PGA5: variants seen among roughly 807,000 people sequenced by gnomAD.
The protein encoded by PGA5 is pepsin A-5.
In PGA5, 19 loss-of-function variants were observed where a neutral mutation model predicts 15.9. The observed-to-expected ratio is 1.19, with a 90% CI of 0.83 to 1.75. The LOEUF is 1.75. PGA5 is among the 40% of genes most tolerant of loss of function. The pLI, the probability that PGA5 is intolerant of heterozygous loss-of-function variation, is 0.00. For missense variants in PGA5, 224 were observed against 246.4 expected (o/e 0.91, Z 0.61); for synonymous variants, 92 against 95.8 (o/e 0.96, Z 0.23).
chr11:61,248,267 C>G, intron 5 of PGA5, 152 bp from the exon 6 acceptor site: 1 of 1,580,402 alleles, frequency 6.3e-7, no homozygotes, highest in Non-Finnish European at 8.7e-7. Context: ...CTGCATGGGC[C>G]CTGGCCTAAG....
intron 8 of PGA5, chr11:61,250,633 ACT>A (rs1854128284): frequency 2.2e-6 from 1 of 459,890 alleles, no homozygotes; most frequent in African/African-American, 2.0e-5. Context: ...GGGCTCCCCC[ACT>A]GATTCTGATT....
chr11:61,250,364 T>C (rs1240899633), intron 8 of PGA5, among the ~76,000 whole-genome samples: 1 of 151,466 alleles, frequency 6.6e-6, no homozygotes, highest in Non-Finnish European at 1.5e-5. Context: ...AAGGTAGAGA[T>C]GGCAGCTTTC....
At chr11:61,250,059 G>A (rs754859585) in intron 8 of PGA5, 45 bp downstream of exon 8, 19 of 1,594,398 alleles carry the variant, frequency 1.2e-5, no homozygotes, top group African/African-American at 2.7e-5. Context: ...CACACAGAAT[G>A]TGGACACAGA....
chr11:61,247,946 C>T (rs1854087394), intron 5 of PGA5, among the ~76,000 whole-genome samples: 1 of 152,002 alleles, frequency 6.6e-6, no homozygotes. Flanking sequence ...GCATCCCCTA[C>T]CCCCACCCAA....
chr11:61,246,634 G>T (rs936878857), intron 5 of PGA5, among the ~76,000 whole-genome samples: 6 of 151,842 alleles, frequency 4.0e-5, no homozygotes, highest in Non-Finnish European at 8.8e-5. Context: ...ATGATGGCAG[G>T]CAACTGTACT....
chr11:61,246,381 T>C (rs1854065044), intron 5 of PGA5, among the ~76,000 whole-genome samples: 1 of 151,620 alleles, frequency 6.6e-6, no homozygotes, highest in Admixed American at 6.6e-5. Flanking sequence ...GTCCCCTTGA[T>C]GTGCACAACT....
intron 6 of PGA5, 58 bp downstream of exon 6, chr11:61,248,593 T>C (rs1272878607): frequency 2.2e-5 from 35 of 1,600,630 alleles, no homozygotes; most frequent in Non-Finnish European, 2.8e-5. Context: ...CATTTCCTTA[T>C]GGATTCATAG....
intron 6 of PGA5, among the ~76,000 whole-genome samples, chr11:61,249,032 A>G (rs947580044): frequency 5.9e-5 from 9 of 152,068 alleles, no homozygotes; most frequent in Non-Finnish European, 1.2e-4. Context: ...TTCCCCAGCT[A>G]GCCTGCTAGC....
chr11:61,251,291 T>A lies in PGA5; in HGVS notation c.*10T>A, dbSNP rs553783640. 1 of 1,611,852 alleles carries A rather than the reference T, an allele frequency of 6.2e-7. No homozygotes were observed. The highest frequency in any genetic ancestry group is 1.1e-5 in the South Asian group (1 of 90,980). Reference sequence around the variant, plus strand: ...GGCCCCTGTGGCTTAAGCCTAAGTCTCTTCAGCCACCTCCCAGGAAGATCT... The same window carrying A: ...GGCCCCTGTGGCTTAAGCCTAAGTCACTTCAGCCACCTCCCAGGAAGATCT... On this transcript the variant is annotated 3_prime_UTR_variant, in exon 9 of 9. Transcript: ENST00000312403.
chr11:61,251,174 C>G lies in PGA5; in HGVS notation c.1060C>G (p.Pro354Ala). The change falls in exon 9 of 9, where the codon CCC becomes GCC. Residue 354 changes from proline (P) to alanine (A), a missense_variant. Coordinates refer to ENST00000312403, the MANE Select transcript of PGA5 (RefSeq NM_014224.5). ...CAGTGGCTTCCAGGGCATGAACGTC[C>G]CCACCGAATCTGGAGAGCTTTGGAT... ...CISGFQGMNV[P>A]TESGELWILG... The G allele has an allele frequency of 1.2e-6, 2 of 1,611,718 alleles. No individual in the cohort carries two copies. The highest frequency in any genetic ancestry group is 1.7e-6 in the Non-Finnish European group (2 of 1,179,844).
intron 8 of PGA5, 55 bp downstream of exon 8, chr11:61,250,069 A>G: frequency 6.3e-7 from 1 of 1,584,220 alleles, no homozygotes; most frequent in South Asian, 1.1e-5. Context: ...GTGGACACAG[A>G]GTCCCCTTCT....
intron 5 of PGA5, among the ~76,000 whole-genome samples, chr11:61,247,202 G>C (rs1249252888): frequency 1.3e-5 from 2 of 151,776 alleles, no homozygotes. Flanking sequence ...TGCACTGTGA[G>C]ATGTTCGCAG....
At chr11:61,249,015 G>A (rs764785835) in intron 6 of PGA5, among the ~76,000 whole-genome samples, 2 of 152,052 alleles carry the variant, frequency 1.3e-5, no homozygotes, top group Non-Finnish European at 2.9e-5. Flanking sequence ...TCATTTCTAC[G>A]CTGTTCTTCC....
At chr11:61,247,860 C>T (rs984380962) in intron 5 of PGA5, among the ~76,000 whole-genome samples, 6 of 152,040 alleles carry the variant, frequency 3.9e-5, no homozygotes, top group Non-Finnish European at 7.3e-5. Flanking sequence ...ACCATAATTC[C>T]TTGCCGCCAA....
chr11:61,246,116 T>C lies in PGA5; in HGVS notation c.627T>C (p.Ser209=). The C allele has an allele frequency of 1.2e-5, 5 of 428,578 alleles. No individual in the cohort carries two copies. The highest frequency in any genetic ancestry group is 1.2e-5 in the Non-Finnish European group (3 of 250,032). 26.5% of individuals were successfully genotyped at this position (428,578 alleles called of 1,614,324 possible). A position where few individuals can be genotyped will look rare whatever the true frequency, so the allele number is the denominator to read the frequency against. ...FDNIWNQGLV[S]QDLFSVYLSA... is the part of the protein sequence containing the mutation. The stretch of plus-strand genomic sequence containing the variant: ...ACATCTGGAACCAGGGCCTGGTTTC[T>C]CAGGACCTCTTCTCTGTCTACCTCA... Residue 209 remains serine (S), a synonymous_variant, in exon 5 of 9, where the codon TCT becomes TCC. Coordinates refer to ENST00000312403, the MANE Select transcript of PGA5 (RefSeq NM_014224.5).
At chr11:61,249,069 G>A (rs2134706301) in intron 6 of PGA5, among the ~76,000 whole-genome samples, 1 of 152,108 alleles carries the variant, frequency 6.6e-6, no homozygotes. Context: ...GTTTTCCCAA[G>A]AATGAACAAT....
chr11:61,250,158 G>A, intron 8 of PGA5, 144 bp downstream of exon 8: 2 of 700,874 alleles, frequency 2.9e-6, no homozygotes, highest in Non-Finnish European at 2.5e-6. Flanking sequence ...AGCCTCCAGA[G>A]AAAAAGAATA....
chr11:61,248,305 C>T lies in PGA5; in HGVS notation c.657-114C>T, dbSNP rs189722405. 4.1e-4 allele frequency: 655 copies of T among 1,612,876 alleles called. 6 individuals carry two copies. In the East Asian group the frequency reaches 0.013, roughly 33 times the overall value. Reference sequence around the variant, plus strand: ...GAAAAGAAACCACATTGGTCACACCCCAGGACAGCCCTGGAAAGTGCCCAA... The same window carrying T: ...GAAAAGAAACCACATTGGTCACACCTCAGGACAGCCCTGGAAAGTGCCCAA... On this transcript the variant is annotated intron_variant, in intron 5 of 8. Coordinates refer to ENST00000312403, the MANE Select transcript of PGA5 (RefSeq NM_014224.5).
chr11:61,248,674 G>T, intron 6 of PGA5, 139 bp downstream of exon 6: 1 of 1,553,802 alleles, frequency 6.4e-7, no homozygotes, highest in Non-Finnish European at 8.8e-7. Context: ...GAAGGTGGAA[G>T]TTGGCCAAGC....
Sources: gnomAD v4.1 joint callset for allele counts (sites outside exome capture counted in the v4.1 genomes callset) on GRCh38, gnomAD v4.1.1 for gene constraint, MANE v1.5 for transcripts, NCBI Gene and HGNC (gene_info 2026-07-23, HGNC 2026-07-21) for gene names.